The following IGF1 variants were observed in gnomAD, a reference collection of about 807,000 sequenced individuals.
The protein encoded by IGF1 is insulin like growth factor 1.
IGF1 carries 4 observed loss-of-function variants against 13.8 expected under a neutral mutation model. The observed-to-expected ratio is 0.29, with a 90% CI of 0.14 to 0.66. The LOEUF (loss-of-function observed/expected upper bound fraction) is 0.66. Among genes scored for constraint, IGF1 ranks in the 30% least tolerant of loss-of-function variants. IGF1 has a pLI of 0.78. For missense variants in IGF1, 124 were observed against 188.5 expected, an observed-to-expected ratio of 0.66 and a Z score of 2.00; for synonymous variants, 76 against 72.6, an observed-to-expected ratio of 1.05 and a Z score of -0.23.
Position 102,402,391 on chromosome 12 carries a change from T to C in IGF1, c.*116A>G. ...TATTTCATTGGGGGAAACGCCCATC[T>C]TTTAAATGTTATCAAACTTATTTTT... On this transcript the variant is annotated 3_prime_UTR_variant, in exon 4 of 4. Coordinates refer to ENST00000337514, the MANE Select transcript of IGF1 (RefSeq NM_000618.5). The C allele has an allele frequency of 1.3e-6, 1 of 775,662 alleles. No individual in the cohort carries two copies. Among genetic ancestry groups the C allele is most frequent in the Non-Finnish European group, 2.4e-6 (1 of 415,352 alleles). 48.0% of individuals were successfully genotyped at this position (775,662 alleles called of 1,614,324 possible). A position where few individuals can be genotyped will look rare whatever the true frequency, so the allele number is the denominator to read the frequency against.
intron 2 of IGF1, among the ~76,000 whole-genome samples, chr12:102,452,300 A>T (rs973525742): frequency 5.0e-5 from 7 of 138,882 alleles, no homozygotes; most frequent in African/African-American, 1.8e-4. Context: ...AGATATGTCT[A>T]CTTCTTCTGC....
chr12:102,403,864 G>A (rs949236227), intron 3 of IGF1, among the ~76,000 whole-genome samples: 1 of 152,090 alleles, frequency 6.6e-6, no homozygotes, highest in Non-Finnish European at 1.5e-5. Flanking sequence ...AGAGCAGTGT[G>A]CAGGTTATTG....
intron 2 of IGF1, among the ~76,000 whole-genome samples, chr12:102,442,837 C>T (rs1284944753): frequency 6.6e-6 from 1 of 152,100 alleles, no homozygotes; most frequent in Non-Finnish European, 1.5e-5. Flanking sequence ...GTCTTATATG[C>T]AGAAAGAATG....
intron 3 of IGF1, among the ~76,000 whole-genome samples, chr12:102,403,075 T>A (rs1873822149): frequency 6.6e-6 from 1 of 152,224 alleles, no homozygotes; most frequent in Non-Finnish European, 1.5e-5. Flanking sequence ...GGAAATCTTA[T>A]AATTAATTTT....
chr12:102,480,511 A>G lies in IGF1; in HGVS notation c.-130T>C. ...TTTTGAGGACTTTATTCCATTGCGC[A>G]GGCTCTATCTGCTCTGAATTTAGCA... On this transcript the variant is annotated 5_prime_UTR_variant, in exon 1 of 4. Transcript: ENST00000337514. 1 of 1,537,934 alleles carries G rather than the reference A, an allele frequency of 6.5e-7. No individual in the cohort carries two copies. Among genetic ancestry groups the G allele is most frequent in the Non-Finnish European group, 8.8e-7 (1 of 1,142,246 alleles).
intron 3 of IGF1, chr12:102,415,787 G>A (rs930241673): frequency 3.3e-5 from 5 of 152,158 alleles, no homozygotes; most frequent in African/African-American, 1.2e-4. Flanking sequence ...CTACTCTAAG[G>A]TGATGGTTGT....
intron 3 of IGF1, among the ~76,000 whole-genome samples, chr12:102,408,878 C>T (rs572043677): frequency 6.6e-6 from 1 of 152,288 alleles, no homozygotes; most frequent in South Asian, 2.1e-4. Flanking sequence ...GTTAGGCTTG[C>T]CTTGCAATCT....
intron 2 of IGF1, among the ~76,000 whole-genome samples, chr12:102,442,497 G>A (rs1325648766): frequency 1.3e-5 from 2 of 152,056 alleles, no homozygotes; most frequent in Admixed American, 6.5e-5. Context: ...GATAAACAGA[G>A]TGAAGTGAAA....
chr12:102,439,323 A>T (rs1436843198), intron 2 of IGF1, among the ~76,000 whole-genome samples: 1 of 152,240 alleles, frequency 6.6e-6, no homozygotes. Flanking sequence ...TCCTTCCTCA[A>T]TGATGAGTAA....
At chr12:102,458,379 C>G (rs767185201) in intron 2 of IGF1, among the ~76,000 whole-genome samples, 20 of 152,098 alleles carry the variant, frequency 1.3e-4, no homozygotes, top group Admixed American at 1.2e-3. Context: ...GTGTTTTAAT[C>G]TGGAGATCAC....
intron 2 of IGF1, among the ~76,000 whole-genome samples, chr12:102,465,765 C>T (rs1027040633): frequency 1.3e-5 from 2 of 151,944 alleles, no homozygotes; most frequent in African/African-American, 4.8e-5. Context: ...GGTGAAACCC[C>T]GTCTCTACTA....
intron 2 of IGF1, among the ~76,000 whole-genome samples, chr12:102,423,779 GTC>G (rs1169123119): frequency 4.6e-5 from 7 of 152,120 alleles, no homozygotes; most frequent in Admixed American, 4.6e-4. Flanking sequence ...AATTAGCTGA[GTC>G]TCACATTTTG....
At chr12:102,459,067 T>G (rs1293607638) in intron 2 of IGF1, among the ~76,000 whole-genome samples, 1 of 152,144 alleles carries the variant, frequency 6.6e-6, no homozygotes, top group Non-Finnish European at 1.5e-5. Context: ...TGTGCCAATA[T>G]GAAGTGGAGA....
intron 2 of IGF1, among the ~76,000 whole-genome samples, chr12:102,435,008 A>G (rs564935160): frequency 6.6e-6 from 1 of 152,370 alleles, no homozygotes; most frequent in Non-Finnish European, 1.5e-5. Flanking sequence ...AAAATTAAAA[A>G]TAACAATATA....
At position 102,407,745 on chromosome 12, in the gene IGF1, G is replaced by A. The variant is rs949380313; in HGVS notation, c.403-5179C>T. 3.9e-5 allele frequency among the ~76,000 whole-genome samples: 6 copies of A among 152,272 alleles called. No individual in the cohort carries two copies. In the East Asian group the frequency reaches 9.7e-4, roughly 25 times the overall value. ...AGTTTGGAGGGAAAGGCTGTGCCATGGGACAGAAGACTCAATGAGGAGGGT... is the reference window on the plus strand; with the variant it reads ...AGTTTGGAGGGAAAGGCTGTGCCATAGGACAGAAGACTCAATGAGGAGGGT... On this transcript the variant is annotated intron_variant, in intron 3 of 3. Coordinates refer to ENST00000337514, the MANE Select transcript of IGF1 (RefSeq NM_000618.5).
intron 2 of IGF1, among the ~76,000 whole-genome samples, chr12:102,472,652 G>T (rs993678668): frequency 6.6e-6 from 1 of 152,180 alleles, no homozygotes; most frequent in African/African-American, 2.4e-5. Context: ...GTGTATAGAG[G>T]TGGGGAAGAA....
Position 102,468,326 on chromosome 12 carries a change from G to C in IGF1, c.220+7317C>G, listed in dbSNP as rs191862179. Among the ~76,000 whole-genome samples the C allele has an allele frequency of 4.6e-5, 7 of 152,330 alleles. No homozygotes were observed. In the East Asian group the frequency reaches 1.2e-3, roughly 25 times the overall value. ...AATTACCTTAGGACAAATGCAGAGG[G>C]CCACATGCAAAGGTTCTGGCCAGTT... On this transcript the variant is annotated intron_variant, in intron 2 of 3. Coordinates refer to ENST00000337514, the MANE Select transcript of IGF1 (RefSeq NM_000618.5).
At chr12:102,435,309 C>A in intron 2 of IGF1, among the ~76,000 whole-genome samples, 1 of 152,170 alleles carries the variant, frequency 6.6e-6, no homozygotes, top group Non-Finnish European at 1.5e-5. Flanking sequence ...AACACTTACC[C>A]AATATTAGTT....
intron 2 of IGF1, among the ~76,000 whole-genome samples, chr12:102,441,193 C>T (rs1049018411): frequency 1.3e-5 from 2 of 152,110 alleles, no homozygotes; most frequent in African/African-American, 4.8e-5. Flanking sequence ...TGCCATTGAC[C>T]AAAGTCAATG....
Sources: allele counts gnomAD v4.1 joint callset (sites outside exome capture counted in the v4.1 genomes callset), GRCh38; gene constraint gnomAD v4.1.1; transcripts MANE v1.5; gene names NCBI Gene and HGNC (gene_info 2026-07-23, HGNC 2026-07-21).